DRAM1: variants seen among roughly 807,000 people sequenced by gnomAD.
The protein encoded by DRAM1 is DNA damage-regulated autophagy modulator protein 1.
In DRAM1, 25 loss-of-function variants were observed where a neutral mutation model predicts 28.5. That is an observed-to-expected ratio of 0.88 (90% CI 0.64 to 1.23). DRAM1 has a LOEUF of 1.23. Ranked by LOEUF, DRAM1 falls within the 50% of genes most tolerant of loss-of-function variation. The pLI, the probability that DRAM1 is intolerant of heterozygous loss-of-function variation, is 0.00. For missense variants in DRAM1, 249 were observed against 299.2 expected, an observed-to-expected ratio of 0.83 and a Z score of 1.24; for synonymous variants, 113 against 114.2, an observed-to-expected ratio of 0.99 and a Z score of 0.07.
In DRAM1 at chr12:101,882,811, C is replaced by A. The variant is rs376314705; in HGVS notation, c.131+4891C>A. On this transcript the variant is annotated intron_variant, in intron 1 of 6. Coordinates refer to ENST00000258534, the MANE Select transcript of DRAM1 (RefSeq NM_018370.3). ...ATGGAAATGACAGATACACACACAC[C>A]CCCCCATCATTTGATGCAACAGCCT... Among the ~76,000 whole-genome samples the A allele has an allele frequency of 4.8e-4, 71 of 148,934 alleles. 1 individual carries two copies. Among genetic ancestry groups the A allele is most frequent in the African/African-American group, 1.5e-3 (61 of 40,862 alleles).
intron 3 of DRAM1, among the ~76,000 whole-genome samples, chr12:101,904,707 C>T (rs558873369): frequency 6.6e-6 from 1 of 152,052 alleles, no homozygotes; most frequent in African/African-American, 2.4e-5. Context: ...TCCCAAAGTG[C>T]TGGGATTACA....
Position 101,877,779 on chromosome 12 carries a change from G to A in DRAM1, c.-11G>A, listed in dbSNP as rs1311694915. 3 of 1,487,006 alleles carry A rather than the reference G, an allele frequency of 2.0e-6. No homozygotes were observed. The highest frequency in any genetic ancestry group is 2.7e-6 in the Non-Finnish European group (3 of 1,114,892). The allele number at this position is 1,487,006 out of a possible 1,614,324, so 92.1% of individuals were successfully genotyped here. A position where few individuals can be genotyped will look rare whatever the true frequency, so the allele number is the denominator to read the frequency against. On this transcript the variant is annotated 5_prime_UTR_variant, in exon 1 of 7. Coordinates refer to ENST00000258534, the MANE Select transcript of DRAM1 (RefSeq NM_018370.3). The surrounding 1 kb of genome is among the most constrained non-coding windows in gnomAD (Gnocchi z 4.1). The stretch of plus-strand genomic sequence containing the variant: ...TGGGCGCAGCACTCCGTCGGCGGCG[G>A]CGGCGGCGCGATGCTGTGCTTCCTG...
chr12:101,905,389 C>T (rs191862063), intron 3 of DRAM1, among the ~76,000 whole-genome samples: 1 of 152,148 alleles, frequency 6.6e-6, no homozygotes, highest in Admixed American at 6.6e-5. Context: ...TCAAGCAGTC[C>T]TCCCACCTCA....
chr12:101,880,290 T>C lies in DRAM1; in HGVS notation c.131+2370T>C, dbSNP rs904338067. On this transcript the variant is annotated intron_variant, in intron 1 of 6. Transcript: ENST00000258534. ...CCTGCAATGCTTCCTTTTTTTTTTT[T>C]TTTTTTTTTTTTTTTAAGACAGAGT... 9.7e-4 allele frequency among the ~76,000 whole-genome samples: 133 copies of C among 137,448 alleles called. 2 individuals are homozygous for C. In the East Asian group the frequency reaches 0.043, roughly 44 times the overall value. The allele number at this position is 137,448 out of a possible 152,430, so 90.2% of individuals were successfully genotyped here.
rs1298083215 is a variant in DRAM1, at chr12:101,909,830, TAA to T, written c.520+1469_520+1470del. 2.0e-5 allele frequency among the ~76,000 whole-genome samples: 3 copies of T among 152,218 alleles called. No individual in the cohort carries two copies. In the East Asian group the frequency reaches 5.8e-4, roughly 29 times the overall value. On this transcript the variant is annotated intron_variant, in intron 4 of 6. Transcript: ENST00000258534. Reference sequence around the variant, plus strand: ...TAACAAAGAAAAAAAGCCGTGGTCTTAAAGAGTTGCAGAGTTCCCCATCTTTC... The same window carrying T: ...TAACAAAGAAAAAAAGCCGTGGTCTTAGAGTTGCAGAGTTCCCCATCTTTC...
intron 3 of DRAM1, among the ~76,000 whole-genome samples, chr12:101,904,211 T>G (rs143684351): frequency 0.012 from 1,895 of 151,994 alleles, 40 homozygotes; most frequent in African/African-American, 0.044. Flanking sequence ...AGGCATGTCT[T>G]GAACTCCTGA....
At chr12:101,915,754 A>G (rs772270302) in intron 5 of DRAM1, among the ~76,000 whole-genome samples, 19 of 150,940 alleles carry the variant, frequency 1.3e-4, no homozygotes, top group Non-Finnish European at 2.5e-4. Context: ...TAGAGACGGG[A>G]TTTCACCGTG....
At position 101,923,518 on chromosome 12, in the gene DRAM1, A is replaced by G. The variant is rs1455829600; in HGVS notation, c.*2258A>G. ...AATGCATGAATGAATGAATGAACAA[A>G]TGAAGGAATGACTAAGGATGTTTGT... On this transcript the variant is annotated 3_prime_UTR_variant, in exon 7 of 7. Coordinates refer to ENST00000258534, the MANE Select transcript of DRAM1 (RefSeq NM_018370.3). 6.6e-6 allele frequency: 1 copy of G among 152,228 alleles called. No individual in the cohort carries two copies. Among genetic ancestry groups the G allele is most frequent in the African/African-American group, 2.4e-5 (1 of 41,454 alleles). The allele number at this position is 152,228 out of a possible 1,614,324, so 9.4% of individuals were successfully genotyped here.
chr12:101,889,017 G>A (rs1313055024), intron 1 of DRAM1, among the ~76,000 whole-genome samples: 1 of 151,610 alleles, frequency 6.6e-6, no homozygotes, highest in Non-Finnish European at 1.5e-5. Context: ...TGCCTGGGCT[G>A]GTCTTGAACT....
chr12:101,877,925 G>A lies in DRAM1; in HGVS notation c.131+5G>A, dbSNP rs376958412. 8.5e-6 allele frequency: 13 copies of A among 1,528,158 alleles called. No homozygotes were observed. In the Admixed American group the frequency reaches 1.0e-4, roughly 12 times the overall value. 94.7% of individuals were successfully genotyped at this position (1,528,158 alleles called of 1,614,324 possible). A position where few individuals can be genotyped will look rare whatever the true frequency, so the allele number is the denominator to read the frequency against. On this transcript the variant is annotated splice_donor_5th_base_variant and intron_variant, in intron 1 of 6. Transcript: ENST00000258534. This position sits in a 1 kb window ranked among gnomAD's most constrained non-coding sequence, Gnocchi z 4.1. ...CCCCTTCCTCCCGTATATCAGGTGA[G>A]TGGCAGGGTGGGCGTCAGGGCCCCA...
chr12:101,893,292 C>T (rs944782533), intron 1 of DRAM1, among the ~76,000 whole-genome samples: 1 of 152,138 alleles, frequency 6.6e-6, no homozygotes, highest in African/African-American at 2.4e-5. Context: ...AGTGACCTGC[C>T]GTTTGGTAGC....
chr12:101,921,374 A>C lies in DRAM1; in HGVS notation c.*114A>C, dbSNP rs1874476999. ...GATTATTGGGATGCATCTGCAGCAC[A>C]TCCAGGACTTGAATTTCATTACGAG... On this transcript the variant is annotated 3_prime_UTR_variant, in exon 7 of 7. Transcript: ENST00000258534. 1 of 773,950 alleles carries C rather than the reference A, an allele frequency of 1.3e-6. No individual in the cohort carries two copies. Among genetic ancestry groups the C allele is most frequent in the Non-Finnish European group, 2.3e-6 (1 of 440,304 alleles). The allele number at this position is 773,950 out of a possible 1,614,324, so 47.9% of individuals were successfully genotyped here.
intron 1 of DRAM1, among the ~76,000 whole-genome samples, chr12:101,885,467 G>A (rs1272525520): frequency 6.6e-6 from 1 of 151,730 alleles, no homozygotes. Context: ...TTTTGAAGGG[G>A]GATAGGAAGA....
chr12:101,905,780 TA>T (rs1873781652), intron 3 of DRAM1, among the ~76,000 whole-genome samples: 1 of 149,046 alleles, frequency 6.7e-6, no homozygotes, highest in Non-Finnish European at 1.5e-5. Context: ...TTTATTTATT[TA>T]TTTATGTATT....
chr12:101,897,785 A>G, intron 1 of DRAM1, 78 bp from the exon 2 acceptor site: 5 of 998,516 alleles, frequency 5.0e-6, no homozygotes, highest in African/African-American at 1.6e-5. Flanking sequence ...AGAATATAAA[A>G]CTCGCCAATT....
chr12:101,917,337 A>G (rs150332701), intron 5 of DRAM1, among the ~76,000 whole-genome samples: 3,586 of 152,250 alleles, frequency 0.024, 142 homozygotes, highest in African/African-American at 0.082. Flanking sequence ...GAAGCCTGCC[A>G]AGACAAGAGA....
chr12:101,914,482 C>CTTTTTTTT (rs1437711201), intron 5 of DRAM1, among the ~76,000 whole-genome samples: 2 of 138,142 alleles, frequency 1.4e-5, no homozygotes, highest in African/African-American at 5.6e-5. Flanking sequence ...TCTTCTTCTT[C>CTTTTTTTT]TTCTTTTTTT....
At chr12:101,882,178 G>A (rs545750652) in intron 1 of DRAM1, among the ~76,000 whole-genome samples, 29 of 144,086 alleles carry the variant, frequency 2.0e-4, no homozygotes, top group African/African-American at 5.9e-4. Context: ...GCGCGATCTC[G>A]GCTCACTGCA....
At chr12:101,880,327 G>A (rs549286314) in intron 1 of DRAM1, among the ~76,000 whole-genome samples, 29 of 112,302 alleles carry the variant, frequency 2.6e-4, no homozygotes, top group East Asian at 5.7e-4. Flanking sequence ...TTGCTCTGTC[G>A]CCCAGGCTGG....
Sources: gnomAD v4.1 joint callset for allele counts (sites outside exome capture counted in the v4.1 genomes callset) on GRCh38, gnomAD v4.1.1 for gene constraint, Gnocchi (gnomAD v3.1) non-coding constraint, MANE v1.5 for transcripts, NCBI Gene and HGNC (gene_info 2026-07-23, HGNC 2026-07-21) for gene names.